The following KAT6B variants were observed in gnomAD, a reference collection of about 807,000 sequenced individuals.
The protein encoded by KAT6B is histone acetyltransferase KAT6B.
Under a neutral mutation model 187.5 loss-of-function variants are expected in KAT6B, and 10 were observed. The observed-to-expected ratio is 0.05, with a 90% CI of 0.03 to 0.09. KAT6B has a LOEUF of 0.09. Ranked by LOEUF, KAT6B falls within the 10% of genes least tolerant of loss-of-function variation. KAT6B has a pLI of 1.00. For synonymous variants in KAT6B, 861 were observed against 926.8 expected (o/e 0.93, Z 1.29); for missense variants, 1,952 against 2,558.9 (o/e 0.76, Z 5.12).
Position 74,923,896 on chromosome 10 carries a change from G to C in KAT6B, c.622-36074G>C, listed in dbSNP as rs575599225. Among the ~76,000 whole-genome samples, 3 of 152,314 alleles carry C rather than the reference G, an allele frequency of 2.0e-5. 1 individual carries two copies. Among genetic ancestry groups the C allele is most frequent in the African/African-American group, 7.2e-5 (3 of 41,552 alleles). ...AGAATAAGCTGTAGGCGGCACCAAG[G>C]TGGCAGCTGGGAGGGTATTGCCACA... On this transcript the variant is annotated intron_variant, in intron 3 of 17. Transcript: ENST00000287239.
Position 74,985,154 on chromosome 10 carries a change from G to A in KAT6B, c.2448G>A (p.Thr816=), listed in dbSNP as rs372149429. 3.3e-4 allele frequency: 531 copies of A among 1,613,936 alleles called. No homozygotes were observed. The highest frequency in any genetic ancestry group is 4.3e-4 in the Non-Finnish European group (502 of 1,179,992). The change falls in exon 12 of 18, where the codon ACG becomes ACA. Residue 816 remains threonine, a synonymous_variant. Coordinates refer to ENST00000287239, the MANE Select transcript of KAT6B (RefSeq NM_012330.4). ...LLAKLFLDHK[T]LYYDVEPFLF... ...CCAAGCTCTTCCTGGACCACAAAAC[G>A]TTGTATTATGATGTCGAGCCATTCC...
upstream of KAT6B, among the ~76,000 whole-genome samples, chr10:74,825,161 G>A (rs1243140726): frequency 6.6e-6 from 1 of 152,226 alleles, no homozygotes; most frequent in East Asian, 1.9e-4. The surrounding 1 kb of genome is among the most constrained non-coding windows in gnomAD (Gnocchi z 5.0). Flanking sequence ...GCCCGAAGGC[G>A]CAAAGCCTGG....
At chr10:75,003,106 T>A (rs1211912207) in intron 13 of KAT6B, 2 of 152,346 alleles carry the variant, frequency 1.3e-5, no homozygotes, top group Admixed American at 1.3e-4. Context: ...CTGGTACTTT[T>A]GCTGAAATGC....
At chr10:74,828,800 C>G (rs1018104731) in intron 1 of KAT6B, among the ~76,000 whole-genome samples, 1 of 151,858 alleles carries the variant, frequency 6.6e-6, no homozygotes, top group African/African-American at 2.4e-5. Flanking sequence ...AACTCTTGAC[C>G]TTGTGATCTG....
intron 3 of KAT6B, among the ~76,000 whole-genome samples, chr10:74,865,241 T>G (rs979451414): frequency 1.3e-5 from 2 of 152,386 alleles, no homozygotes; most frequent in African/African-American, 4.8e-5. Flanking sequence ...CATTTTGGCA[T>G]ATTACTGTAT....
At position 74,971,504 on chromosome 10, in the gene KAT6B, G is replaced by T. The variant is rs562818685; in HGVS notation, c.929-1003G>T. On this transcript the variant is annotated intron_variant, in intron 6 of 17. Transcript: ENST00000287239. Reference sequence around the variant, plus strand: ...TTAAAATTTTACCAGTTTGATAATAGAAATATGTCTGATTATTTCTTTTTA... The same window carrying T: ...TTAAAATTTTACCAGTTTGATAATATAAATATGTCTGATTATTTCTTTTTA... Among the ~76,000 whole-genome samples the T allele has an allele frequency of 2.9e-4, 44 of 152,190 alleles. 1 individual carries two copies. The South Asian group carries it at 8.9e-3, about 31-fold the overall frequency.
chr10:74,978,501 C>A (rs1331868298), intron 9 of KAT6B, among the ~76,000 whole-genome samples: 1 of 152,170 alleles, frequency 6.6e-6, no homozygotes, highest in Non-Finnish European at 1.5e-5. Context: ...CTACTTCTGA[C>A]ATTCATATGT....
In KAT6B at chr10:75,030,947, A is replaced by C. The variant is rs1210346032; in HGVS notation, c.6123A>C (p.Pro2041=). 2.5e-6 allele frequency: 4 copies of C among 1,613,754 alleles called. No individual in the cohort carries two copies. In the East Asian group the frequency reaches 8.9e-5, roughly 36 times the overall value. The change falls in exon 18 of 18, where the codon CCA becomes CCC. Residue 2041 remains proline, a synonymous_variant. Coordinates refer to ENST00000287239, the MANE Select transcript of KAT6B (RefSeq NM_012330.4). This position sits in a 1 kb window ranked among gnomAD's most constrained non-coding sequence, Gnocchi z 4.8. ...QPYAQQPMQT[P]PHGNMMYTAP... Reference sequence around the variant, plus strand: ...ATGCCCAGCAGCCAATGCAGACCCCACCCCACGGTAACATGATGTACACGG... The same window carrying C: ...ATGCCCAGCAGCCAATGCAGACCCCCCCCCACGGTAACATGATGTACACGG...
At position 75,028,712 on chromosome 10, in the gene KAT6B, A is replaced by G; in HGVS notation, c.3888A>G (p.Ser1296=). ...CAGTGGAAGAACAGAAGGAGACTTC[A>G]GAAGGAAAAACCAGCCCCAGTCCCA... The part of the protein sequence containing the change: ...QVTVEEQKET[S]EGKTSPSPIR... The change falls in exon 18 of 18, where the codon TCA becomes TCG. Residue 1296 remains serine, a synonymous_variant. Transcript: ENST00000287239. The G allele has an allele frequency of 6.2e-7, 1 of 1,614,012 alleles. No homozygotes were observed. The highest frequency in any genetic ancestry group is 1.3e-5 in the African/African-American group (1 of 75,036).
At chr10:75,019,019 C>G (rs530276145) in intron 13 of KAT6B, among the ~76,000 whole-genome samples, 50 of 152,288 alleles carry the variant, frequency 3.3e-4, no homozygotes, top group African/African-American at 1.2e-3. Context: ...TCTGGCAACA[C>G]AGAGACGTAG....
Position 74,865,936 on chromosome 10 carries a change from T to C in KAT6B, c.621+22458T>C, listed in dbSNP as rs59717083. On this transcript the variant is annotated intron_variant, in intron 3 of 17. Transcript: ENST00000287239. ...TGAACAACACAGGTTTGTGCTGCGCTGGTCAACTTACGTGCTGATTTTTTT... is the reference window on the plus strand; with the variant it reads ...TGAACAACACAGGTTTGTGCTGCGCCGGTCAACTTACGTGCTGATTTTTTT... Among the ~76,000 whole-genome samples, 361 of 152,296 alleles carry C rather than the reference T, an allele frequency of 2.4e-3. 3 individuals are homozygous for C. The highest frequency in any genetic ancestry group is 8.1e-3 in the African/African-American group (338 of 41,556).
intron 2 of KAT6B, among the ~76,000 whole-genome samples, chr10:74,840,900 G>A (rs1255367644): frequency 6.6e-6 from 1 of 152,170 alleles, no homozygotes; most frequent in East Asian, 1.9e-4. Flanking sequence ...ATATTCTTCA[G>A]TATGTCTGGC....
rs1198521423 is a variant in KAT6B at position 75,031,376 on chromosome 10, C to T, written c.*330C>T. ...GTTAAACAATGTGGATATCAAGCCC[C>T]CCCAAATTATCTGTTTTAATATTGA... is the stretch of plus-strand genomic sequence containing the variant. On this transcript the variant is annotated 3_prime_UTR_variant, in exon 18 of 18. Transcript: ENST00000287239. 2.5e-6 allele frequency: 1 copy of T among 405,344 alleles called. No individual in the cohort carries two copies. Among genetic ancestry groups the T allele is most frequent in the Non-Finnish European group, 4.5e-6 (1 of 222,228 alleles). 25.1% of individuals were successfully genotyped at this position (405,344 alleles called of 1,614,324 possible). A position where few individuals can be genotyped will look rare whatever the true frequency, so the allele number is the denominator to read the frequency against.
intron 13 of KAT6B, among the ~76,000 whole-genome samples, chr10:74,997,357 A>C (rs1388427058): frequency 6.6e-6 from 1 of 151,998 alleles, no homozygotes; most frequent in African/African-American, 2.4e-5. Context: ...ACATTTACTG[A>C]GTGAGTAACA....
At chr10:74,976,387 C>A in intron 8 of KAT6B, 57 bp downstream of exon 8, 2 of 1,442,748 alleles carry the variant, frequency 1.4e-6, no homozygotes, top group South Asian at 1.1e-5. Context: ...TCTCCCCAAC[C>A]CTGAAAAAAA....
intron 3 of KAT6B, among the ~76,000 whole-genome samples, chr10:74,904,540 G>C (rs541301293): frequency 2.0e-4 from 31 of 152,188 alleles, no homozygotes; most frequent in Non-Finnish European, 4.1e-4. Flanking sequence ...TGCTCATAGG[G>C]AGAGATTGTA....
intron 3 of KAT6B, among the ~76,000 whole-genome samples, chr10:74,946,161 G>A (rs895938966): frequency 2.6e-5 from 4 of 152,128 alleles, no homozygotes; most frequent in Non-Finnish European, 5.9e-5. Flanking sequence ...GGTTAGTTTT[G>A]ATAATTTTGT....
At chr10:74,948,987 C>T (rs190893424) in intron 3 of KAT6B, among the ~76,000 whole-genome samples, 1 of 152,116 alleles carries the variant, frequency 6.6e-6, no homozygotes, top group Non-Finnish European at 1.5e-5. Flanking sequence ...TCTGGACCTG[C>T]TCCAGTGAAG....
chr10:74,882,180 C>T (rs1844902539), intron 3 of KAT6B, among the ~76,000 whole-genome samples: 1 of 152,246 alleles, frequency 6.6e-6, no homozygotes. Flanking sequence ...ATTTTCCCTG[C>T]TGTCTCCCCT....
Sources: gnomAD v4.1 joint callset for allele counts (sites outside exome capture counted in the v4.1 genomes callset) on GRCh38, gnomAD v4.1.1 for gene constraint, Gnocchi (gnomAD v3.1) non-coding constraint, MANE v1.5 for transcripts, NCBI Gene and HGNC (gene_info 2026-07-23, HGNC 2026-07-21) for gene names.